SLC25A21: variants seen among roughly 807,000 people sequenced by gnomAD.
The protein encoded by SLC25A21 is mitochondrial 2-oxodicarboxylate carrier.
Under a neutral mutation model 43.8 loss-of-function variants are expected in SLC25A21, and 47 were observed. The observed-to-expected ratio is 1.07, with a 90% CI of 0.85 to 1.37. The LOEUF (loss-of-function observed/expected upper bound fraction) is 1.37. SLC25A21 is among the 40% of genes most tolerant of loss of function. The probability of loss-of-function intolerance (pLI) is 0.00; values close to 1 mark genes in which losing one functional copy is unlikely to be tolerated. For synonymous variants in SLC25A21, 131 were observed against 121.3 expected (o/e 1.08, Z -0.52); for missense variants, 352 against 350.2 (o/e 1.00, Z -0.04).
chr14:36,953,505 AAT>A (rs1959244716), intron 1 of SLC25A21, among the ~76,000 whole-genome samples: 1 of 152,226 alleles, frequency 6.6e-6, no homozygotes, highest in East Asian at 1.9e-4. Flanking sequence ...AACTGAAAAA[AAT>A]ATGAATCCCT....
chr14:36,792,763 C>T (rs1346362718), intron 3 of SLC25A21, among the ~76,000 whole-genome samples: 1 of 152,142 alleles, frequency 6.6e-6, no homozygotes, highest in Non-Finnish European at 1.5e-5. Flanking sequence ...TCCATTTCTT[C>T]AATATGATAT....
intron 2 of SLC25A21, among the ~76,000 whole-genome samples, chr14:36,852,465 T>C (rs1889770734): frequency 6.6e-6 from 1 of 152,224 alleles, no homozygotes; most frequent in Non-Finnish European, 1.5e-5. Flanking sequence ...GTCAATGGAA[T>C]TCCTAGGCAT....
At chr14:37,114,001 T>A (rs1963064750) in intron 1 of SLC25A21, among the ~76,000 whole-genome samples, 1 of 152,222 alleles carries the variant, frequency 6.6e-6, no homozygotes, top group Admixed American at 6.5e-5. Flanking sequence ...ATAATCTGGG[T>A]AATTAAGCAT....
chr14:37,166,488 C>T lies in SLC25A21; in HGVS notation c.70+5793G>A, dbSNP rs767173381. On this transcript the variant is annotated intron_variant, in intron 1 of 9. Transcript: ENST00000331299. ...GTGCAACTATGGCATGTTCATTATT[C>T]CCCTGCGCATCAGTTTCTTCGTCTG... 6.2e-4 allele frequency among the ~76,000 whole-genome samples: 95 copies of T among 152,206 alleles called. 1 individual carries two copies. The highest frequency in any genetic ancestry group is 1.9e-4 in the Non-Finnish European group (13 of 68,044).
chr14:37,115,956 A>G (rs1594800486), intron 1 of SLC25A21, among the ~76,000 whole-genome samples: 1 of 152,184 alleles, frequency 6.6e-6, no homozygotes, highest in African/African-American at 2.4e-5. Context: ...ATGAAAATAC[A>G]AATAATACAT....
At chr14:37,073,228 G>A (rs188612377) in intron 1 of SLC25A21, among the ~76,000 whole-genome samples, 19 of 152,306 alleles carry the variant, frequency 1.2e-4, no homozygotes, top group African/African-American at 4.3e-4. Context: ...AGAGAATATT[G>A]TATAGACCTT....
chr14:37,155,122 G>A (rs185787991), intron 1 of SLC25A21, among the ~76,000 whole-genome samples: 1 of 151,648 alleles, frequency 6.6e-6, no homozygotes, highest in African/African-American at 2.4e-5. Flanking sequence ...CCAGGCTGGA[G>A]TGCAGTGGCA....
chr14:36,835,191 T>C (rs1594627771), intron 2 of SLC25A21, among the ~76,000 whole-genome samples: 1 of 152,226 alleles, frequency 6.6e-6, no homozygotes. Flanking sequence ...ACTTTCACGA[T>C]AGGCTAACCA....
intron 3 of SLC25A21, among the ~76,000 whole-genome samples, chr14:36,776,230 CTTTCTTTCT>C (rs1214890535): frequency 2.8e-5 from 2 of 70,802 alleles, no homozygotes; most frequent in South Asian, 4.4e-4. Flanking sequence ...CTTTTTCTTT[CTTTCTTTCT>C]TTTTTTTTTT....
intron 1 of SLC25A21, among the ~76,000 whole-genome samples, chr14:37,013,076 T>C (rs571916890): frequency 2.0e-5 from 3 of 152,290 alleles, no homozygotes; most frequent in Admixed American, 1.3e-4. Flanking sequence ...AGAACCCTAA[T>C]AATTGGAGTA....
intron 3 of SLC25A21, among the ~76,000 whole-genome samples, chr14:36,791,092 T>C (rs1438447004): frequency 2.0e-5 from 3 of 152,188 alleles, no homozygotes; most frequent in Non-Finnish European, 2.9e-5. Flanking sequence ...GGTAATCCAA[T>C]TGAACTGTGA....
At chr14:37,051,605 G>C (rs549806194) in intron 1 of SLC25A21, among the ~76,000 whole-genome samples, 1 of 152,188 alleles carries the variant, frequency 6.6e-6, no homozygotes, top group East Asian at 1.9e-4. Context: ...TTACAAATAT[G>C]GTGCAGGGTT....
chr14:36,729,416 G>T, intron 5 of SLC25A21, 91 bp downstream of exon 5: 1 of 956,240 alleles, frequency 1.0e-6, no homozygotes, highest in Non-Finnish European at 1.5e-6. Flanking sequence ...TATTTTAGTA[G>T]CTGGGCTTGG....
At chr14:36,977,164 CTTTAA>C (rs537216212) in intron 1 of SLC25A21, among the ~76,000 whole-genome samples, 5 of 152,288 alleles carry the variant, frequency 3.3e-5, no homozygotes, top group Non-Finnish European at 5.9e-5. Context: ...ATTCCATCCT[CTTTAA>C]TTTATTTTTC....
chr14:36,826,482 G>T (rs992762823), intron 2 of SLC25A21, among the ~76,000 whole-genome samples: 3 of 152,072 alleles, frequency 2.0e-5, no homozygotes, highest in East Asian at 3.9e-4. Flanking sequence ...TGCTCTGGGA[G>T]CCTCCTCCCA....
At chr14:36,851,338 G>C (rs979232030) in intron 2 of SLC25A21, among the ~76,000 whole-genome samples, 1 of 152,142 alleles carries the variant, frequency 6.6e-6, no homozygotes, top group Non-Finnish European at 1.5e-5. Flanking sequence ...ACAATTCTGA[G>C]AAAATTGATC....
At chr14:36,880,200 G>A (rs1890672477) in intron 1 of SLC25A21, among the ~76,000 whole-genome samples, 1 of 152,078 alleles carries the variant, frequency 6.6e-6, no homozygotes, top group South Asian at 2.1e-4. Context: ...TAAAGAGAAG[G>A]AGCCTGGTCT....
intron 1 of SLC25A21, among the ~76,000 whole-genome samples, chr14:37,017,798 C>T (rs1026654656): frequency 4.0e-5 from 6 of 151,686 alleles, no homozygotes; most frequent in Admixed American, 3.9e-4. Flanking sequence ...AGATTTTCAA[C>T]GACATGCATC....
chr14:37,171,933 C>A (rs1964136808), intron 1 of SLC25A21: 1 of 318,466 alleles, frequency 3.1e-6, no homozygotes, highest in Non-Finnish European at 5.8e-6. Context: ...TCAGACCGAA[C>A]TGGATCATTT....
Sources: allele counts gnomAD v4.1 joint callset (sites outside exome capture counted in the v4.1 genomes callset), GRCh38; gene constraint gnomAD v4.1.1; transcripts MANE v1.5; gene names NCBI Gene and HGNC (gene_info 2026-07-23, HGNC 2026-07-21).